CACNG5: variants seen among roughly 807,000 people sequenced by gnomAD.
CACNG5 encodes voltage-dependent calcium channel gamma-5 subunit.
A neutral mutation model predicts 24.8 loss-of-function variants in CACNG5; 18 were observed. The observed-to-expected ratio is 0.73, with a 90% CI of 0.50 to 1.08. The LOEUF is 1.08. Among genes scored for constraint, CACNG5 ranks in the 50% least tolerant of loss-of-function variants. The probability of loss-of-function intolerance (pLI) is 0.00; values close to 1 mark genes in which losing one functional copy is unlikely to be tolerated. For missense variants in CACNG5, 349 were observed against 367.9 expected, an observed-to-expected ratio of 0.95 and a Z score of 0.42; for synonymous variants, 157 against 149.1, an observed-to-expected ratio of 1.05 and a Z score of -0.39.
At chr17:66,847,354 G>C (rs146320208) in intron 1 of CACNG5, among the ~76,000 whole-genome samples, 3 of 152,296 alleles carry the variant, frequency 2.0e-5, no homozygotes, top group African/African-American at 7.2e-5. Flanking sequence ...AATTTATAAA[G>C]AAAAAGAGAT....
Position 66,894,311 on chromosome 17 carries a change from C to CT in CACNG5, c.*9077dup, listed in dbSNP as rs767753999. Among the ~76,000 whole-genome samples the CT allele has an allele frequency of 1.4e-4, 22 of 152,192 alleles. No individual in the cohort carries two copies. The highest frequency in any genetic ancestry group is 3.9e-4 in the East Asian group (2 of 5,182). On this transcript the variant is annotated 3_prime_UTR_variant, in exon 6 of 6. Coordinates refer to ENST00000533854, the MANE Select transcript of CACNG5 (RefSeq NM_145811.3). Reference sequence around the variant, plus strand: ...GGATCCTTAGAAACTCAATGGTGGGCTTTTTTGCCTGGATTGGGGGAAGAA... The same window carrying CT: ...GGATCCTTAGAAACTCAATGGTGGGCTTTTTTTGCCTGGATTGGGGGAAGAA...
In CACNG5 at chr17:66,879,086, G is replaced by A. The variant is rs370097357; in HGVS notation, c.283+28G>A. The A allele has an allele frequency of 1.8e-5, 28 of 1,557,106 alleles. No homozygotes were observed. In the African/African-American group the frequency reaches 2.8e-4, roughly 16 times the overall value. ...AAGTGCCTTGAGTCTGGCAACCTGG[G>A]CCACTGGCTGGACAGAGAGGAGCAA... On this transcript the variant is annotated intron_variant, in intron 3 of 5. Transcript: ENST00000533854.
At chr17:66,872,647 A>G (rs1401211887) in intron 1 of CACNG5, among the ~76,000 whole-genome samples, 1 of 152,234 alleles carries the variant, frequency 6.6e-6, no homozygotes, top group Non-Finnish European at 1.5e-5. Flanking sequence ...TATCTTTTCA[A>G]GTAACTGTTT....
Position 66,893,444 on chromosome 17 carries a change from C to T in CACNG5, c.*8204C>T, listed in dbSNP as rs1283986157. Among the ~76,000 whole-genome samples the T allele has an allele frequency of 6.6e-6, 1 of 152,142 alleles. No individual in the cohort carries two copies. Among genetic ancestry groups the T allele is most frequent in the East Asian group, 1.9e-4 (1 of 5,188 alleles). On this transcript the variant is annotated 3_prime_UTR_variant, in exon 6 of 6. Transcript: ENST00000533854. ...CTGGATTTTCCTAACTGTGGTCAGC[C>T]CGTGGTGGAACCTCGCCACACTCTT...
intron 1 of CACNG5, among the ~76,000 whole-genome samples, chr17:66,875,715 C>T (rs1977066513): frequency 6.6e-6 from 1 of 152,226 alleles, no homozygotes; most frequent in African/African-American, 2.4e-5. Flanking sequence ...TGGTGGACTG[C>T]ACCGAAGCAC....
chr17:66,891,967 ATTTG>A lies in CACNG5; in HGVS notation c.*6731_*6734del, dbSNP rs968348237. On this transcript the variant is annotated 3_prime_UTR_variant, in exon 6 of 6. Coordinates refer to ENST00000533854, the MANE Select transcript of CACNG5 (RefSeq NM_145811.3). ...AGGGGTTTAGTCCCAGATCTCTGAA[ATTTG>A]TTTAAAGCTCTCCAGATGGTTCTAA... Among the ~76,000 whole-genome samples, 1 of 152,204 alleles carries A rather than the reference ATTTG, an allele frequency of 6.6e-6. No individual in the cohort carries two copies. The highest frequency in any genetic ancestry group is 2.4e-5 in the African/African-American group (1 of 41,458).
At chr17:66,840,918 T>C (rs534112940) in intron 1 of CACNG5, among the ~76,000 whole-genome samples, 1 of 152,290 alleles carries the variant, frequency 6.6e-6, no homozygotes, top group Non-Finnish European at 1.5e-5. Flanking sequence ...TGGTGTGTCC[T>C]CCAGAGCCTG....
intron 1 of CACNG5, among the ~76,000 whole-genome samples, chr17:66,837,674 T>C (rs968960992): frequency 1.3e-5 from 2 of 152,234 alleles, no homozygotes; most frequent in African/African-American, 4.8e-5. Context: ...TGTCAGTTAC[T>C]AATCCTTAAC....
intron 1 of CACNG5, among the ~76,000 whole-genome samples, chr17:66,862,972 G>A (rs1239999455): frequency 6.6e-6 from 1 of 150,620 alleles, no homozygotes; most frequent in Non-Finnish European, 1.5e-5. Flanking sequence ...CAGTTCTACA[G>A]GTGGATATTG....
rs1447068126 is a variant in CACNG5, at chr17:66,857,182, C to A, written c.-103-20048C>A. Among the ~76,000 whole-genome samples, 2 of 146,772 alleles carry A rather than the reference C, an allele frequency of 1.4e-5. 1 individual carries two copies. Among genetic ancestry groups the A allele is most frequent in the East Asian group, 4.2e-4 (2 of 4,818 alleles). On this transcript the variant is annotated intron_variant, in intron 1 of 5. Transcript: ENST00000533854. Reference sequence around the variant, plus strand: ...CAAGGGATCCTCCTACCTAGCCTCTCAAGTAGGTGGGACTGCAAATGCATG... The same window carrying A: ...CAAGGGATCCTCCTACCTAGCCTCTAAAGTAGGTGGGACTGCAAATGCATG...
chr17:66,850,599 TACACACACAC>T (rs56797058), intron 1 of CACNG5, among the ~76,000 whole-genome samples: 2 of 142,318 alleles, frequency 1.4e-5, no homozygotes, highest in Admixed American at 1.4e-4. Context: ...CACAAATACA[TACACACACAC>T]ACACACACAC....
chr17:66,846,126 C>G (rs1238247031), intron 1 of CACNG5, among the ~76,000 whole-genome samples: 1 of 152,220 alleles, frequency 6.6e-6, no homozygotes, highest in Non-Finnish European at 1.5e-5. Flanking sequence ...CCAGCAACCT[C>G]CCTGACCCTC....
chr17:66,859,107 C>T (rs1470191263), intron 1 of CACNG5, among the ~76,000 whole-genome samples: 2 of 152,282 alleles, frequency 1.3e-5, no homozygotes, highest in Admixed American at 6.5e-5. Flanking sequence ...TCTGAAGTCA[C>T]GGGGGCAGAG....
intron 1 of CACNG5, among the ~76,000 whole-genome samples, chr17:66,836,537 C>T (rs1409708342): frequency 1.3e-5 from 2 of 152,198 alleles, no homozygotes; most frequent in African/African-American, 4.8e-5. Flanking sequence ...TGTAGCCAGC[C>T]CCTCATGCCG....
Position 66,892,357 on chromosome 17 carries a change from G to A in CACNG5, c.*7117G>A, listed in dbSNP as rs557449485. 3.8e-4 allele frequency among the ~76,000 whole-genome samples: 58 copies of A among 152,382 alleles called. No individual in the cohort carries two copies. Among genetic ancestry groups the A allele is most frequent in the African/African-American group, 1.4e-3 (57 of 41,594 alleles). On this transcript the variant is annotated 3_prime_UTR_variant, in exon 6 of 6. Coordinates refer to ENST00000533854, the MANE Select transcript of CACNG5 (RefSeq NM_145811.3). Reference sequence around the variant, plus strand: ...CAGCTAGAGCCTGCCCCTGGAAAGAGGATAGAGAACATTCTGGAGCCAACG... The same window carrying A: ...CAGCTAGAGCCTGCCCCTGGAAAGAAGATAGAGAACATTCTGGAGCCAACG...
intron 3 of CACNG5, among the ~76,000 whole-genome samples, chr17:66,880,210 T>A (rs1187541415): frequency 2.0e-5 from 3 of 152,184 alleles, no homozygotes; most frequent in Non-Finnish European, 4.4e-5. Context: ...CAAGATGGAA[T>A]GACCTGGCCC....
chr17:66,879,055 CTAAG>C lies in CACNG5; in HGVS notation c.283+3_283+6del, dbSNP rs1428650142. ...GACATCCGAGTCCACGGTCAATGTT[CTAAG>C]TAAGTGCCTTGAGTCTGGCAACCTG... On this transcript the variant is annotated splice_donor_variant and coding_sequence_variant, in exon 3 of 6. Transcript: ENST00000533854. LOFTEE classifies it high-confidence loss of function. 6.2e-7 allele frequency: 1 copy of C among 1,613,504 alleles called. No homozygotes were observed. Among genetic ancestry groups the C allele is most frequent in the South Asian group, 1.1e-5 (1 of 91,022 alleles).
At chr17:66,844,135 C>T (rs913491026) in intron 1 of CACNG5, among the ~76,000 whole-genome samples, 5 of 152,138 alleles carry the variant, frequency 3.3e-5, no homozygotes, top group African/African-American at 9.7e-5. Flanking sequence ...AGCTAATACT[C>T]GTTGGGTGCT....
intron 1 of CACNG5, among the ~76,000 whole-genome samples, chr17:66,875,980 G>A (rs1404872639): frequency 6.6e-6 from 1 of 152,156 alleles, no homozygotes; most frequent in Non-Finnish European, 1.5e-5. Context: ...CATAGCAGTT[G>A]CTACATTACA....
Sources: allele counts gnomAD v4.1 joint callset (sites outside exome capture counted in the v4.1 genomes callset), GRCh38; gene constraint gnomAD v4.1.1; transcripts MANE v1.5; gene names NCBI Gene and HGNC (gene_info 2026-07-23, HGNC 2026-07-21).